The following ANKS1B variants were observed in gnomAD, a reference collection of about 807,000 sequenced individuals.
ANKS1B encodes ankyrin repeat and sterile alpha motif domain-containing protein 1B.
In ANKS1B, 36 loss-of-function variants were observed where a neutral mutation model predicts 148.3. That is an observed-to-expected ratio of 0.24 (90% CI 0.19 to 0.32). ANKS1B has a LOEUF of 0.32. ANKS1B is among the 10% of genes least tolerant of loss of function. The probability of loss-of-function intolerance (pLI) is 1.00; values close to 1 mark genes in which losing one functional copy is unlikely to be tolerated. For missense variants in ANKS1B, 1,157 were observed against 1,542.6 expected (o/e 0.75, Z 4.19); for synonymous variants, 542 against 560.8 (o/e 0.97, Z 0.47).
chr12:99,220,405 A>G (rs1398045433), intron 14 of ANKS1B, among the ~76,000 whole-genome samples: 1 of 152,064 alleles, frequency 6.6e-6, no homozygotes, highest in African/African-American at 2.4e-5. Flanking sequence ...TAAGTAAAAA[A>G]CAAAATATAA....
intron 12 of ANKS1B, among the ~76,000 whole-genome samples, chr12:99,295,615 GT>G (rs1298637718): frequency 6.6e-6 from 1 of 152,084 alleles, no homozygotes; most frequent in East Asian, 1.9e-4. Context: ...TTCTTTTAAA[GT>G]TTTATTTTAA....
intron 4 of ANKS1B, among the ~76,000 whole-genome samples, chr12:99,801,437 A>G (rs546247200): frequency 1.2e-4 from 18 of 152,334 alleles, no homozygotes; most frequent in African/African-American, 4.1e-4. Context: ...TGATGAATCA[A>G]GTAAGAGGAG....
At chr12:99,499,390 G>C (rs570052288) in intron 10 of ANKS1B, among the ~76,000 whole-genome samples, 1 of 152,208 alleles carries the variant, frequency 6.6e-6, no homozygotes, top group African/African-American at 2.4e-5. Context: ...TGCAAACTAA[G>C]TCTTTACCCA....
intron 1 of ANKS1B, among the ~76,000 whole-genome samples, chr12:99,940,628 T>C (rs1318936314): frequency 6.6e-6 from 1 of 152,100 alleles, no homozygotes; most frequent in Non-Finnish European, 1.5e-5. Context: ...GGATCCCACA[T>C]TACATCTTAC....
chr12:99,460,874 T>C (rs983566504), intron 10 of ANKS1B, among the ~76,000 whole-genome samples: 4 of 152,010 alleles, frequency 2.6e-5, no homozygotes, highest in African/African-American at 9.7e-5. Context: ...TACCATTTGA[T>C]CCAACAATCC....
intron 16 of ANKS1B, among the ~76,000 whole-genome samples, chr12:99,066,901 G>A (rs1016836162): frequency 2.6e-5 from 4 of 152,172 alleles, no homozygotes; most frequent in African/African-American, 9.7e-5. Flanking sequence ...TTCGTTCATC[G>A]TGTGTGGGAA....
At chr12:99,963,421 A>G (rs1603511203) in intron 1 of ANKS1B, among the ~76,000 whole-genome samples, 1 of 152,282 alleles carries the variant, frequency 6.6e-6, no homozygotes, top group Non-Finnish European at 1.5e-5. Flanking sequence ...TCATCTTTCC[A>G]TTGAGTTTGT....
Position 99,246,535 on chromosome 12 carries a change from A to C in ANKS1B, c.2086T>G (p.Ser696Ala). The C allele has an allele frequency of 6.2e-7, 1 of 1,613,874 alleles. No individual in the cohort carries two copies. Among genetic ancestry groups the C allele is most frequent in the Non-Finnish European group, 8.5e-7 (1 of 1,179,868 alleles). The stretch of plus-strand genomic sequence containing the variant: ...ATAACCCACTGGTCCCCATTCCGAG[A>C]TCCACTCCTGGTTGATCTTGTGCCA... Reference protein sequence around the residue: ...IVGTRSTRSGSRNGDQWVMNA... With the variant: ...IVGTRSTRSGARNGDQWVMNA... The change falls in exon 13 of 27, where the codon TCT becomes GCT. Residue 696 changes from serine to alanine, a missense_variant. Ser to Ala is a moderately conservative substitution (Grantham distance 99). Transcript: ENST00000683438.
At chr12:98,924,482 TGGATTTGA>T (rs2099805483) in intron 17 of ANKS1B, among the ~76,000 whole-genome samples, 1 of 152,212 alleles carries the variant, frequency 6.6e-6, no homozygotes, top group Admixed American at 6.5e-5. Flanking sequence ...GTGTCCTTTG[TGGATTTGA>T]CTTTAGGAAA....
intron 22 of ANKS1B, among the ~76,000 whole-genome samples, chr12:98,783,954 G>A (rs1200467232): frequency 6.6e-6 from 1 of 152,204 alleles, no homozygotes; most frequent in South Asian, 2.1e-4. Context: ...AAGCACCTGA[G>A]TTGAAGTAGA....
At chr12:98,835,685 T>C (rs2099358767) in intron 17 of ANKS1B, among the ~76,000 whole-genome samples, 1 of 152,222 alleles carries the variant, frequency 6.6e-6, no homozygotes, top group Non-Finnish European at 1.5e-5. Flanking sequence ...CATTGCTGTC[T>C]CCTCCATAGA....
At chr12:99,282,357 G>A (rs2078580388) in intron 12 of ANKS1B, among the ~76,000 whole-genome samples, 1 of 152,172 alleles carries the variant, frequency 6.6e-6, no homozygotes, top group Admixed American at 6.5e-5. Flanking sequence ...AGATCAGCAA[G>A]GCATAGGACT....
intron 1 of ANKS1B, among the ~76,000 whole-genome samples, chr12:99,959,030 T>C (rs573782256): frequency 1.3e-5 from 2 of 149,790 alleles, no homozygotes; most frequent in African/African-American, 4.9e-5. Context: ...TGGAGAATAA[T>C]AATTTTTAAA....
chr12:99,243,881 C>A (rs2089817564), intron 14 of ANKS1B, among the ~76,000 whole-genome samples: 1 of 151,834 alleles, frequency 6.6e-6, no homozygotes, highest in Non-Finnish European at 1.5e-5. Context: ...GGGTGGGGAG[C>A]TGGGGGAGGG....
chr12:98,934,937 T>C (rs558604437), intron 17 of ANKS1B, among the ~76,000 whole-genome samples: 9 of 152,142 alleles, frequency 5.9e-5, no homozygotes, highest in Admixed American at 5.2e-4. Flanking sequence ...ATGTGGACAA[T>C]TTCACTTCTT....
chr12:99,164,170 T>G (rs1451088250), intron 14 of ANKS1B, among the ~76,000 whole-genome samples: 1 of 152,100 alleles, frequency 6.6e-6, no homozygotes, highest in African/African-American at 2.4e-5. Flanking sequence ...ACTAGGAATT[T>G]GTTGGACTTT....
At chr12:99,231,465 T>C (rs2086826090) in intron 14 of ANKS1B, among the ~76,000 whole-genome samples, 1 of 152,112 alleles carries the variant, frequency 6.6e-6, no homozygotes, top group African/African-American at 2.4e-5. Flanking sequence ...ACAAGCTACT[T>C]ATTCTTCTGA....
intron 14 of ANKS1B, among the ~76,000 whole-genome samples, chr12:99,164,909 A>C (rs2077050851): frequency 6.6e-6 from 1 of 152,050 alleles, no homozygotes; most frequent in Admixed American, 6.6e-5. Context: ...AATTATTGTA[A>C]AGATTCATTG....
chr12:99,575,840 T>C (rs1265447927), intron 9 of ANKS1B, among the ~76,000 whole-genome samples: 1 of 151,968 alleles, frequency 6.6e-6, no homozygotes, highest in East Asian at 1.9e-4. Flanking sequence ...AGCAACTATA[T>C]AATAAAGTCT....
Sources: gnomAD v4.1 joint callset for allele counts (sites outside exome capture counted in the v4.1 genomes callset) on GRCh38, gnomAD v4.1.1 for gene constraint, MANE v1.5 for transcripts, NCBI Gene and HGNC (gene_info 2026-07-23, HGNC 2026-07-21) for gene names.